The following TMCO5A variants were observed in gnomAD, a reference collection of about 807,000 sequenced individuals.
The protein encoded by TMCO5A is transmembrane and coiled-coil domains 5A.
A neutral mutation model predicts 42.3 loss-of-function variants in TMCO5A; 34 were observed. The ratio of observed to expected loss-of-function variants is 0.80; its 90% CI spans 0.61 to 1.07. TMCO5A has a LOEUF of 1.07. Ranked by LOEUF, TMCO5A falls within the 50% of genes least tolerant of loss-of-function variation. The probability of loss-of-function intolerance (pLI) is 0.00; values close to 1 mark genes in which losing one functional copy is unlikely to be tolerated. For synonymous variants in TMCO5A, 131 were observed against 115.6 expected, an observed-to-expected ratio of 1.13 and a Z score of -0.86; for missense variants, 357 against 327.9, an observed-to-expected ratio of 1.09 and a Z score of -0.69.
intron 4 of TMCO5A, 70 bp from the exon 5 acceptor site, chr15:37,937,276 G>T (rs550728000): frequency 8.4e-6 from 13 of 1,548,898 alleles, no homozygotes; most frequent in South Asian, 1.1e-5. Context: ...GGGTGAAATG[G>T]ACAGCAATCA....
chr15:38,016,908 G>C, the TMCO5A span, among the ~76,000 whole-genome samples: 1 of 151,654 alleles, frequency 6.6e-6, no homozygotes, highest in African/African-American at 2.4e-5. Flanking sequence ...CCTGACCTAG[G>C]CTTTTTTTTT....
rs539650403 is a variant in TMCO5A, at chr15:37,962,867, C to A, written c.669-3758C>A. 1.2e-4 allele frequency among the ~76,000 whole-genome samples: 19 copies of A among 152,056 alleles called. No individual in the cohort carries two copies. In the South Asian group the frequency reaches 3.5e-3, roughly 28 times the overall value. Reference sequence around the variant, plus strand: ...TAACCTTGAATAATCTTTTGTATTTCTGTGGTGTCAGTTGTAATATCTCCT... The same window carrying A: ...TAACCTTGAATAATCTTTTGTATTTATGTGGTGTCAGTTGTAATATCTCCT... On this transcript the variant is annotated intron_variant, in intron 11 of 11. Transcript: ENST00000559502.
chr15:38,015,149 TCTGCCTTCC>T, the TMCO5A span, among the ~76,000 whole-genome samples: 1 of 151,920 alleles, frequency 6.6e-6, no homozygotes, highest in African/African-American at 2.4e-5. Context: ...TAAGGGTGGA[TCTGCCTTCC>T]GAAGCTCACT....
the TMCO5A span, chr15:37,993,595 T>C: frequency 6.6e-6 from 1 of 152,102 alleles, no homozygotes; most frequent in Non-Finnish European, 1.5e-5. Flanking sequence ...GGATAGGAGA[T>C]TGGGGGTAGA....
rs1298354883 is a variant in TMCO5A, at chr15:37,942,393, A to G, written c.569+138A>G. Reference sequence around the variant, plus strand: ...CACATATCTTTGCCCTCTGTTAGTGATCTGGTTGACCCCAGTAGATCACAC... The same window carrying G: ...CACATATCTTTGCCCTCTGTTAGTGGTCTGGTTGACCCCAGTAGATCACAC... On this transcript the variant is annotated intron_variant, in intron 9 of 11. Coordinates refer to ENST00000319669, the MANE Select transcript of TMCO5A (RefSeq NM_152453.4). 35 of 765,198 alleles carry G rather than the reference A, an allele frequency of 4.6e-5. No individual in the cohort carries two copies. The East Asian group carries it at 8.2e-4, about 18-fold the overall frequency. 47.4% of individuals were successfully genotyped at this position (765,198 alleles called of 1,614,324 possible). A position where few individuals can be genotyped will look rare whatever the true frequency, so the allele number is the denominator to read the frequency against.
chr15:38,018,393 G>T, the TMCO5A span, among the ~76,000 whole-genome samples: 4 of 152,132 alleles, frequency 2.6e-5, no homozygotes, highest in South Asian at 2.1e-4. Flanking sequence ...TTAGTAAAAT[G>T]AAGAAATCTG....
the TMCO5A span, among the ~76,000 whole-genome samples, chr15:37,990,151 T>C: frequency 3.3e-5 from 5 of 152,218 alleles, no homozygotes; most frequent in African/African-American, 1.2e-4. Flanking sequence ...AATCGGCTAA[T>C]TGTGTTGTTC....
chr15:37,954,526 C>T (rs1400159264), downstream of TMCO5A, among the ~76,000 whole-genome samples: 1 of 152,046 alleles, frequency 6.6e-6, no homozygotes, highest in African/African-American at 2.4e-5. Context: ...TTCATCAACA[C>T]CACACCTAGT....
At chr15:37,990,611 A>G in the TMCO5A span, among the ~76,000 whole-genome samples, 1 of 151,996 alleles carries the variant, frequency 6.6e-6, no homozygotes. Flanking sequence ...AGTTTAATCT[A>G]TTTATATTTA....
chr15:37,971,069 C>T (rs1890665119), downstream of TMCO5A, among the ~76,000 whole-genome samples: 1 of 152,216 alleles, frequency 6.6e-6, no homozygotes, highest in African/African-American at 2.4e-5. Flanking sequence ...TGTGTGGGGG[C>T]TCTGACCTCA....
At chr15:37,968,053 G>A (rs1029143648), downstream of TMCO5A, among the ~76,000 whole-genome samples, 3 of 152,184 alleles carry the variant, frequency 2.0e-5, no homozygotes, top group Non-Finnish European at 4.4e-5. Context: ...TGTAATTTGA[G>A]ATCTTGTTCA....
At chr15:37,943,450 G>A in intron 10 of TMCO5A, 52 bp downstream of exon 10, 1 of 1,577,734 alleles carries the variant, frequency 6.3e-7, no homozygotes, top group South Asian at 1.1e-5. Flanking sequence ...GCCTTTCAAA[G>A]CCATCTCCAG....
At chr15:37,996,308 G>A in the TMCO5A span, among the ~76,000 whole-genome samples, 1 of 152,198 alleles carries the variant, frequency 6.6e-6, no homozygotes, top group Non-Finnish European at 1.5e-5. Flanking sequence ...TCTAATAAGT[G>A]TTGCTGGGAA....
At chr15:37,969,856 A>G (rs1399209431), downstream of TMCO5A, among the ~76,000 whole-genome samples, 1 of 152,222 alleles carries the variant, frequency 6.6e-6, no homozygotes, top group East Asian at 1.9e-4. Flanking sequence ...TGCAAAGGAC[A>G]TAATCTTGTT....
At chr15:37,934,767 A>G (rs1401080048) in intron 1 of TMCO5A, 73 bp downstream of exon 1, 1 of 152,152 alleles carries the variant, frequency 6.6e-6, no homozygotes, top group East Asian at 1.9e-4. Flanking sequence ...ATTTACATAT[A>G]CTTGGTTTTC....
the TMCO5A span, among the ~76,000 whole-genome samples, chr15:37,989,008 C>G: frequency 6.6e-6 from 1 of 151,898 alleles, no homozygotes; most frequent in Non-Finnish European, 1.5e-5. Flanking sequence ...CTAAGCCAGT[C>G]TTCTTACTAC....
chr15:37,974,236 T>C, the TMCO5A span, among the ~76,000 whole-genome samples: 1 of 152,200 alleles, frequency 6.6e-6, no homozygotes, highest in Non-Finnish European at 1.5e-5. Flanking sequence ...TTGTTCTTTC[T>C]GTGCCAGGTT....
chr15:38,014,118 A>T, the TMCO5A span, among the ~76,000 whole-genome samples: 1 of 152,148 alleles, frequency 6.6e-6, no homozygotes, highest in Non-Finnish European at 1.5e-5. Context: ...TAATTCCCTC[A>T]CCTCAAGATA....
At chr15:38,027,613 A>G in the TMCO5A span, among the ~76,000 whole-genome samples, 1 of 152,158 alleles carries the variant, frequency 6.6e-6, no homozygotes, top group Non-Finnish European at 1.5e-5. Context: ...GTGTTTTGAA[A>G]TGTGAGGACA....
Sources: gnomAD v4.1 joint callset for allele counts (sites outside exome capture counted in the v4.1 genomes callset) on GRCh38, gnomAD v4.1.1 for gene constraint, MANE v1.5 for transcripts, NCBI Gene and HGNC (gene_info 2026-07-23, HGNC 2026-07-21) for gene names.